The following CORO1B variants were observed in gnomAD, a reference collection of about 807,000 sequenced individuals.
CORO1B encodes the protein coronin-1B.
A neutral mutation model predicts 51.1 loss-of-function variants in CORO1B; 30 were observed. The observed-to-expected ratio is 0.59, with a 90% confidence interval of 0.44 to 0.80. The LOEUF (loss-of-function observed/expected upper bound fraction) is 0.80. CORO1B is among the 30% of genes least tolerant of loss of function. CORO1B has a pLI of 0.00. For missense variants in CORO1B, 648 were observed against 700.4 expected, an observed-to-expected ratio of 0.93 and a Z score of 0.84; for synonymous variants, 310 against 289.7, an observed-to-expected ratio of 1.07 and a Z score of -0.71.
Position 67,440,230 on chromosome 11 carries a change from C to T in CORO1B, c.895G>A (p.Glu299Lys). Reference sequence around the variant, plus strand: ...AGGAAGTGGATGTAGGGAGGCTCCTCTGTGATCTCAAAGTACCGGATGCTG... The same window carrying T: ...AGGAAGTGGATGTAGGGAGGCTCCTTTGTGATCTCAAAGTACCGGATGCTG... ...DSSIRYFEITEEPPYIHFLNT... is the reference protein window; with the variant it reads ...DSSIRYFEITKEPPYIHFLNT... The change falls in exon 8 of 11, where the codon GAG becomes AAG. Residue 299 changes from glutamate to lysine, a missense_variant. By Grantham distance (56) the Glu-to-Lys change is moderately conservative (BLOSUM62 1). Transcript: ENST00000341356. 1 of 1,613,958 alleles carries T rather than the reference C, an allele frequency of 6.2e-7. No individual in the cohort carries two copies. The highest frequency in any genetic ancestry group is 8.5e-7 in the Non-Finnish European group (1 of 1,179,976).
rs956062890 is a variant in CORO1B at position 67,441,876 on chromosome 11, A to C, written c.325-14T>G. ...GATCTGCCACACCTGTGGTAGGGACAGGGCCACCGAGCTCAGTCCTCTGCT... is the reference window on the plus strand; with the variant it reads ...GATCTGCCACACCTGTGGTAGGGACCGGGCCACCGAGCTCAGTCCTCTGCT... On this transcript the variant is annotated splice_polypyrimidine_tract_variant and intron_variant, in intron 3 of 10. Transcript: ENST00000341356. 6.2e-7 allele frequency: 1 copy of C among 1,613,114 alleles called. No individual in the cohort carries two copies. The highest frequency in any genetic ancestry group is 8.5e-7 in the Non-Finnish European group (1 of 1,179,982).
At chr11:67,442,943 G>A (rs944657318) in intron 1 of CORO1B, among the ~76,000 whole-genome samples, 1 of 152,208 alleles carries the variant, frequency 6.6e-6, no homozygotes, top group Non-Finnish European at 1.5e-5. Flanking sequence ...GCCGGGGTTG[G>A]AGAGCTCTCA....
At chr11:67,443,028 G>A (rs1864428738) in intron 1 of CORO1B, among the ~76,000 whole-genome samples, 1 of 152,184 alleles carries the variant, frequency 6.6e-6, no homozygotes, top group Admixed American at 6.5e-5. Flanking sequence ...AGGTAATGGG[G>A]AAGAAGGAGA....
chr11:67,438,750 C>G lies in CORO1B; in HGVS notation c.1265G>C (p.Gly422Ala). The G allele has an allele frequency of 6.4e-7, 1 of 1,558,164 alleles. No homozygotes were observed. The highest frequency in any genetic ancestry group is 2.4e-5 in the East Asian group (1 of 42,116). ...GGCGGGGGCCCCTAGGTGGGAGGAG[C>G]CCGGGGCCATGGCGGGCCGGCTGTC... ...LSDSRPAMAP[G>A]SSHLGAPAST... Residue 422 changes from glycine (G) to alanine (A), a missense_variant, in exon 10 of 11, where the codon GGC becomes GCC. Physicochemically the swap from Gly to Ala is moderately conservative, Grantham distance 60 (BLOSUM62 0). Transcript: ENST00000341356.
At chr11:67,442,685 C>T in intron 1 of CORO1B, 55 bp from the exon 2 acceptor site, 1 of 1,560,836 alleles carries the variant, frequency 6.4e-7, no homozygotes, top group Non-Finnish European at 8.8e-7. Context: ...CTCCAGCCCT[C>T]CCCAGGCTGC....
At position 67,436,187 on chromosome 11, in the gene CORO1B, C is replaced by T. The variant is rs753782285; in HGVS notation, c.*2189G>A. 97 of 1,553,772 alleles carry T rather than the reference C, an allele frequency of 6.2e-5. No individual in the cohort carries two copies. Among genetic ancestry groups the T allele is most frequent in the Non-Finnish European group, 7.6e-5 (88 of 1,150,662 alleles). ...GTAGCCCCCTGAGTCACGGCTGAGG[C>T]GGCGCCAGGCCAGTGCTAGGCCAGT... On this transcript the variant is annotated 3_prime_UTR_variant, in exon 11 of 11. Coordinates refer to ENST00000341356, the MANE Select transcript of CORO1B (RefSeq NM_020441.3).
At chr11:67,440,868 A>T in intron 6 of CORO1B, 1 of 648,356 alleles carries the variant, frequency 1.5e-6, no homozygotes. Context: ...CAGGCAAGCA[A>T]GGGAGAGAAG....
chr11:67,436,325 C>A lies in CORO1B; in HGVS notation c.*2051G>T. The stretch of plus-strand genomic sequence containing the variant: ...GGCCCCTGGCAGGGCCAGCAGCATC[C>A]CGAGCCCTAAGGTGCAGGGCAGAGC... On this transcript the variant is annotated 3_prime_UTR_variant, in exon 11 of 11. Coordinates refer to ENST00000341356, the MANE Select transcript of CORO1B (RefSeq NM_020441.3). 6.6e-7 allele frequency: 1 copy of A among 1,508,424 alleles called. No homozygotes were observed. The highest frequency in any genetic ancestry group is 2.1e-5 in the Admixed American group (1 of 47,598). The allele number at this position is 1,508,424 out of a possible 1,614,324, so 93.4% of individuals were successfully genotyped here. A position where few individuals can be genotyped will look rare whatever the true frequency, so the allele number is the denominator to read the frequency against.
Position 67,437,991 on chromosome 11 carries a change from C to A in CORO1B, c.*385G>T, listed in dbSNP as rs869736. ...GCACATGTGTGACTCCTGTGACATC[C>A]TCTGTCTCCAGGTTTCCAGACTTCT... On this transcript the variant is annotated 3_prime_UTR_variant, in exon 11 of 11. Transcript: ENST00000341356. 164,307 of 353,294 alleles carry A rather than the reference C, an allele frequency of 0.47. 42,242 individuals are homozygous for A. The highest frequency in any genetic ancestry group is 0.81 in the African/African-American group (38,740 of 47,868). The allele number at this position is 353,294 out of a possible 1,614,324, so 21.9% of individuals were successfully genotyped here. A position where few individuals can be genotyped will look rare whatever the true frequency, so the allele number is the denominator to read the frequency against.
chr11:67,441,006 G>A (rs780078116), intron 6 of CORO1B, 119 bp downstream of exon 6: 2 of 1,478,108 alleles, frequency 1.4e-6, no homozygotes, highest in Admixed American at 1.7e-5. Flanking sequence ...TAGGCCCTGA[G>A]AGCCTCAAGT....
chr11:67,440,406 G>T lies in CORO1B; in HGVS notation c.790C>A (p.Leu264Met). The T allele has an allele frequency of 6.2e-7, 1 of 1,613,932 alleles. No homozygotes were observed. Among genetic ancestry groups the T allele is most frequent in the South Asian group, 1.1e-5 (1 of 91,090 alleles). Residue 264 changes from leucine (L) to methionine (M), a missense_variant, in exon 7 of 11, where the codon CTG becomes ATG. Physicochemically the swap from Leu to Met is conservative, Grantham distance 15. Coordinates refer to ENST00000341356, the MANE Select transcript of CORO1B (RefSeq NM_020441.3). ...NLEEPMALQE[L>M]DSSNGALLPF... ...AGCAGGGCCCCGTTGCTCGAGTCCA[G>T]TTCCTGCAGGGCCATGGGTTCCTCG... is the stretch of plus-strand genomic sequence containing the variant.
rs771704733 is a variant in CORO1B at position 67,437,588 on chromosome 11, C to G, written c.*788G>C. ...GCCCCGACCGCCTGTGGCCCCCATC[C>G]CAAGAACCCGGGGGGCTCCGAGGCT... On this transcript the variant is annotated 3_prime_UTR_variant, in exon 11 of 11. Coordinates refer to ENST00000341356, the MANE Select transcript of CORO1B (RefSeq NM_020441.3). The G allele has an allele frequency of 7.4e-7, 1 of 1,347,400 alleles. No individual in the cohort carries two copies. Among genetic ancestry groups the G allele is most frequent in the Non-Finnish European group, 9.6e-7 (1 of 1,040,446 alleles). The allele number at this position is 1,347,400 out of a possible 1,614,324, so 83.5% of individuals were successfully genotyped here.
Position 67,441,952 on chromosome 11 carries a change from G to T in CORO1B, c.324+14C>A. 1 of 1,610,572 alleles carries T rather than the reference G, an allele frequency of 6.2e-7. No individual in the cohort carries two copies. Among genetic ancestry groups the T allele is most frequent in the Non-Finnish European group, 8.5e-7 (1 of 1,179,976 alleles). ...CACACCCACGACCCTGGCCCAGCCAGTCCTGTGCCTCACCATGACCGTGCA... is the reference window on the plus strand; with the variant it reads ...CACACCCACGACCCTGGCCCAGCCATTCCTGTGCCTCACCATGACCGTGCA... On this transcript the variant is annotated intron_variant, in intron 3 of 10. Transcript: ENST00000341356.
chr11:67,437,422 G>C lies in CORO1B; in HGVS notation c.*954C>G. On this transcript the variant is annotated 3_prime_UTR_variant, in exon 11 of 11. Transcript: ENST00000341356. ...ACAGGGGCCTGGTCCGGTATGGGGT[G>C]CTGGGGGCCAGGCCTGGAGTCCCAG... The C allele has an allele frequency of 1.9e-6, 1 of 522,388 alleles. No homozygotes were observed. 32.4% of individuals were successfully genotyped at this position (522,388 alleles called of 1,614,324 possible).
At position 67,436,053 on chromosome 11, in the gene CORO1B, C is replaced by A; in HGVS notation, c.*2323G>T. On this transcript the variant is annotated 3_prime_UTR_variant, in exon 11 of 11. Coordinates refer to ENST00000341356, the MANE Select transcript of CORO1B (RefSeq NM_020441.3). ...TCCTCCTGTCGCTCAAGGTCATTGT[C>A]TGTGGACCCCAGCTCAGCTCGGGCC... 4 of 1,613,446 alleles carry A rather than the reference C, an allele frequency of 2.5e-6. No homozygotes were observed. The highest frequency in any genetic ancestry group is 3.4e-6 in the Non-Finnish European group (4 of 1,179,850).
At position 67,437,944 on chromosome 11, in the gene CORO1B, G is replaced by A. The variant is rs569281170; in HGVS notation, c.*432C>T. On this transcript the variant is annotated 3_prime_UTR_variant, in exon 11 of 11. Transcript: ENST00000341356. ...CCAGGGGAGCAATGCCTGTGGGGCT[G>A]CTCACTGCCCCCAGACCTTCTGCAC... 1.5e-4 allele frequency: 55 copies of A among 367,568 alleles called. 1 individual carries two copies. The highest frequency in any genetic ancestry group is 1.0e-3 in the African/African-American group (49 of 48,138). The allele number at this position is 367,568 out of a possible 1,614,324, so 22.8% of individuals were successfully genotyped here.
intron 8 of CORO1B, 109 bp from the exon 9 acceptor site, chr11:67,439,952 GCCGACCCCTAAGGTGGCTAGACC>G: frequency 6.9e-7 from 1 of 1,445,274 alleles, no homozygotes; most frequent in Non-Finnish European, 9.4e-7. Flanking sequence ...ACCTCCGCAG[GCCGACCCCTAAGGTGGCTAGACC>G]CCCACACGGG....
chr11:67,435,701 CTG>C lies in CORO1B; in HGVS notation c.*2673_*2674del. Reference sequence around the variant, plus strand: ...AAGCAGAGGCACGGGGAGTGAGCGGCTGTGACAGGGATGGGACACCAAGACCG... The same window carrying C: ...AAGCAGAGGCACGGGGAGTGAGCGGCTGACAGGGATGGGACACCAAGACCG... On this transcript the variant is annotated 3_prime_UTR_variant, in exon 11 of 11. Transcript: ENST00000341356. The C allele has an allele frequency of 2.7e-6, 4 of 1,499,342 alleles. No individual in the cohort carries two copies. The South Asian group carries it at 4.0e-5, about 15-fold the overall frequency. 92.9% of individuals were successfully genotyped at this position (1,499,342 alleles called of 1,614,324 possible).
chr11:67,442,153 G>A lies in CORO1B; in HGVS notation c.202-65C>T. 6 of 1,585,432 alleles carry A rather than the reference G, an allele frequency of 3.8e-6. No homozygotes were observed. The South Asian group carries it at 5.6e-5, about 15-fold the overall frequency. On this transcript the variant is annotated intron_variant, in intron 2 of 10. Transcript: ENST00000341356. ...CCGAAGCCTTGGTCTTCCCCTCCAT[G>A]GAGTGGGAATGACATGCACGTCCCG... is the stretch of plus-strand genomic sequence containing the variant.
Sources: gnomAD v4.1 joint callset for allele counts (sites outside exome capture counted in the v4.1 genomes callset) on GRCh38, gnomAD v4.1.1 for gene constraint, MANE v1.5 for transcripts, NCBI Gene and HGNC (gene_info 2026-07-23, HGNC 2026-07-21) for gene names.